Variants in SLC14A2 observed in about 807,000 individuals in gnomAD.
SLC14A2 encodes solute carrier family 14 member 2.
In SLC14A2, 91 loss-of-function variants were observed where a neutral mutation model predicts 104.6. The ratio of observed to expected loss-of-function variants is 0.87; its 90% CI spans 0.73 to 1.04. SLC14A2 has a LOEUF of 1.04. Among genes scored for constraint, SLC14A2 ranks in the 50% least tolerant of loss-of-function variants. The probability of loss-of-function intolerance (pLI) is 0.00; values close to 1 mark genes in which losing one functional copy is unlikely to be tolerated. For synonymous variants in SLC14A2, 476 were observed against 466.4 expected, an observed-to-expected ratio of 1.02 and a Z score of -0.27; for missense variants, 1,189 against 1,156.0, an observed-to-expected ratio of 1.03 and a Z score of -0.41.
intron 1 of SLC14A2, among the ~76,000 whole-genome samples, chr18:45,423,074 A>G (rs1351441624): frequency 6.6e-6 from 1 of 152,160 alleles, no homozygotes; most frequent in Non-Finnish European, 1.5e-5. Context: ...TCACTTTGCC[A>G]TTGGGAAAAA....
chr18:45,233,543 G>A (rs531909201), intron 1 of SLC14A2, among the ~76,000 whole-genome samples: 44 of 152,192 alleles, frequency 2.9e-4, no homozygotes, highest in Non-Finnish European at 4.0e-4. Flanking sequence ...TGCGTATCAC[G>A]AAAATGTTTA....
At chr18:45,257,452 C>T (rs1441756057) in intron 1 of SLC14A2, among the ~76,000 whole-genome samples, 1 of 152,174 alleles carries the variant, frequency 6.6e-6, no homozygotes, top group East Asian at 1.9e-4. Context: ...TTAAGTTCTT[C>T]CTCTCTTCTT....
At chr18:45,330,191 T>C (rs1165577903) in intron 1 of SLC14A2, among the ~76,000 whole-genome samples, 1 of 152,168 alleles carries the variant, frequency 6.6e-6, no homozygotes, top group Non-Finnish European at 1.5e-5. Flanking sequence ...CCCAGCCAGC[T>C]CATTCAGTAG....
At chr18:45,391,531 CAG>C (rs2085965104) in intron 1 of SLC14A2, among the ~76,000 whole-genome samples, 1 of 152,208 alleles carries the variant, frequency 6.6e-6, no homozygotes, top group Non-Finnish European at 1.5e-5. Context: ...AACTAGTTTA[CAG>C]TCCCACCAAC....
rs79960135 is a variant in SLC14A2 at position 45,669,469 on chromosome 18, A to G, written c.2200A>G (p.Ile734Val). The G allele has an allele frequency of 1.1e-4, 183 of 1,613,930 alleles. No homozygotes were observed. The African/African-American group carries it at 2.2e-3, about 20-fold the overall frequency. The change falls in exon 16 of 20, where the codon ATC (isoleucine) becomes GTC (valine). Residue 734 changes from isoleucine (I) to valine (V), a missense_variant. Transcript: ENST00000255226. ...LLQPASAMPN[I>V]TWSEVQVPLL... ...GCAGCCTGCATCCGCCATGCCCAAC[A>G]TCACCTGGTCAGAGGTCCAAGTGCC... is the stretch of plus-strand genomic sequence containing the variant.
intron 1 of SLC14A2, among the ~76,000 whole-genome samples, chr18:45,266,944 G>T (rs898964475): frequency 6.6e-6 from 1 of 152,088 alleles, no homozygotes; most frequent in African/African-American, 2.4e-5. Flanking sequence ...TGGAGTCAGG[G>T]CAGTGACACG....
At chr18:45,679,509 C>T (rs192099694) in intron 19 of SLC14A2, among the ~76,000 whole-genome samples, 1 of 152,334 alleles carries the variant, frequency 6.6e-6, no homozygotes, top group African/African-American at 2.4e-5. Flanking sequence ...ACCCCTTCCT[C>T]ATCTGGGCTC....
At chr18:45,182,369 G>A in the SLC14A2 span, among the ~76,000 whole-genome samples, 1 of 151,620 alleles carries the variant, frequency 6.6e-6, no homozygotes, top group Admixed American at 6.6e-5. Flanking sequence ...GAAATGGATC[G>A]TTTTCTTGAA....
intron 1 of SLC14A2, among the ~76,000 whole-genome samples, chr18:45,379,310 T>A (rs971117724): frequency 6.6e-6 from 1 of 152,218 alleles, no homozygotes; most frequent in Admixed American, 6.5e-5. Flanking sequence ...AAAGCTGGCT[T>A]CTTATAAATT....
intron 2 of SLC14A2, among the ~76,000 whole-genome samples, chr18:45,571,460 G>A (rs535498687): frequency 6.6e-6 from 1 of 152,352 alleles, no homozygotes; most frequent in South Asian, 2.1e-4. Flanking sequence ...CAATGAGCCG[G>A]CTGGCCCTTT....
intron 2 of SLC14A2, among the ~76,000 whole-genome samples, chr18:45,608,371 G>A (rs1294205387): frequency 1.3e-5 from 2 of 152,208 alleles, no homozygotes; most frequent in Non-Finnish European, 2.9e-5. Flanking sequence ...CCCTCTGTGT[G>A]TTGCCTTACA....
chr18:45,639,624 G>A (rs1568309074), intron 6 of SLC14A2, 122 bp from the exon 7 acceptor site: 1 of 881,284 alleles, frequency 1.1e-6, no homozygotes, highest in Admixed American at 2.1e-5. Flanking sequence ...CATGCTGGAG[G>A]GTACAGTCAT....
At chr18:45,362,695 T>G (rs2085624654) in intron 1 of SLC14A2, among the ~76,000 whole-genome samples, 1 of 152,230 alleles carries the variant, frequency 6.6e-6, no homozygotes, top group Non-Finnish European at 1.5e-5. Context: ...ACCCACGTTC[T>G]GTCCAAAGCA....
intron 1 of SLC14A2, among the ~76,000 whole-genome samples, chr18:45,437,407 T>C (rs1471384153): frequency 6.6e-6 from 1 of 152,156 alleles, no homozygotes; most frequent in Non-Finnish European, 1.5e-5. Context: ...GTTAAGCTGT[T>C]TTCTCTGCTT....
At chr18:45,489,213 T>G (rs1472809757) in intron 2 of SLC14A2, among the ~76,000 whole-genome samples, 1 of 152,180 alleles carries the variant, frequency 6.6e-6, no homozygotes, top group African/African-American at 2.4e-5. Context: ...TATGTAACAG[T>G]TAACCTATAC....
chr18:45,482,373 A>G (rs1335441340), intron 1 of SLC14A2: 1 of 152,228 alleles, frequency 6.6e-6, no homozygotes, highest in Non-Finnish European at 1.5e-5. Context: ...TTAGTAGCTT[A>G]GAACAACAAA....
intron 1 of SLC14A2, among the ~76,000 whole-genome samples, chr18:45,433,702 A>G (rs1287484473): frequency 2.0e-5 from 3 of 152,230 alleles, no homozygotes; most frequent in Non-Finnish European, 4.4e-5. Flanking sequence ...ATGACATTTA[A>G]GTTAATTGGA....
intron 1 of SLC14A2, among the ~76,000 whole-genome samples, chr18:45,214,513 G>A (rs888863441): frequency 4.6e-5 from 7 of 152,122 alleles, no homozygotes; most frequent in Admixed American, 1.3e-4. Flanking sequence ...TGCCTTTGTT[G>A]TAATGTTACA....
intron 2 of SLC14A2, among the ~76,000 whole-genome samples, chr18:45,567,014 T>A (rs2044275380): frequency 6.6e-6 from 1 of 152,070 alleles, no homozygotes; most frequent in East Asian, 1.9e-4. Context: ...CACAAACCAC[T>A]ATCACTGTGC....
Sources: gnomAD v4.1 joint callset for allele counts (sites outside exome capture counted in the v4.1 genomes callset) on GRCh38, gnomAD v4.1.1 for gene constraint, MANE v1.5 for transcripts, NCBI Gene and HGNC (gene_info 2026-07-23, HGNC 2026-07-21) for gene names.